The following HORMAD2 variants were observed in gnomAD, a reference collection of about 807,000 sequenced individuals.
HORMAD2 encodes the protein HORMA domain containing 2.
HORMAD2 carries 45 observed loss-of-function variants against 38.8 expected under a neutral mutation model. The observed-to-expected ratio is 1.16, with a 90% CI of 0.91 to 1.49. The LOEUF (loss-of-function observed/expected upper bound fraction) is 1.49. Among genes scored for constraint, HORMAD2 ranks in the 40% most tolerant of loss-of-function variants. HORMAD2 has a pLI of 0.00. For synonymous variants in HORMAD2, 126 were observed against 122.8 expected (o/e 1.03, Z -0.17); for missense variants, 338 against 367.0 (o/e 0.92, Z 0.65).
chr22:30,190,593 G>T, the HORMAD2 span, among the ~76,000 whole-genome samples: 1 of 152,190 alleles, frequency 6.6e-6, no homozygotes, highest in Non-Finnish European at 1.5e-5. Flanking sequence ...TTCTCATGGA[G>T]GCTCACCCAA....
At chr22:30,178,141 T>C (rs1601604814), downstream of HORMAD2, among the ~76,000 whole-genome samples, 1 of 96,730 alleles carries the variant, frequency 1.0e-5, no homozygotes, top group African/African-American at 2.9e-5. Context: ...ACTGAGTAAT[T>C]AGTTAATCTG....
chr22:30,169,708 T>C (rs1925995186), intron 10 of HORMAD2, among the ~76,000 whole-genome samples: 1 of 152,228 alleles, frequency 6.6e-6, no homozygotes, highest in African/African-American at 2.4e-5. Context: ...TCACATCTAA[T>C]TCGGAATCTT....
the HORMAD2 span, among the ~76,000 whole-genome samples, chr22:30,194,067 C>T: frequency 1.3e-5 from 2 of 152,196 alleles, no homozygotes; most frequent in South Asian, 2.1e-4. Context: ...CTCATCATCA[C>T]TCAACTCTCA....
the HORMAD2 span, among the ~76,000 whole-genome samples, chr22:30,203,341 G>A: frequency 6.8e-6 from 1 of 146,076 alleles, no homozygotes; most frequent in Non-Finnish European, 1.5e-5. Flanking sequence ...GTTGCAGTGA[G>A]CCAAGATTGT....
intron 10 of HORMAD2, among the ~76,000 whole-genome samples, chr22:30,157,640 G>C (rs1925164388): frequency 6.6e-6 from 1 of 152,124 alleles, no homozygotes; most frequent in Non-Finnish European, 1.5e-5. Context: ...TCTAGCTTCT[G>C]TGATCCTCTT....
At chr22:30,146,388 G>C (rs1308626339) in intron 10 of HORMAD2, among the ~76,000 whole-genome samples, 1 of 152,128 alleles carries the variant, frequency 6.6e-6, no homozygotes, top group Non-Finnish European at 1.5e-5. Context: ...CCAGCTGCTT[G>C]GGAGGCTGAG....
chr22:30,198,829 G>A, the HORMAD2 span, among the ~76,000 whole-genome samples: 1 of 152,152 alleles, frequency 6.6e-6, no homozygotes, highest in African/African-American at 2.4e-5. Flanking sequence ...AAAAATGATT[G>A]TATTTATAAA....
chr22:30,098,131 G>A (rs1053311225), intron 2 of HORMAD2, among the ~76,000 whole-genome samples: 1 of 152,122 alleles, frequency 6.6e-6, no homozygotes, highest in African/African-American at 2.4e-5. Context: ...TGGTTTAGGT[G>A]CAGATGTTCA....
At chr22:30,117,663 C>T (rs963740352) in intron 7 of HORMAD2, among the ~76,000 whole-genome samples, 1 of 152,070 alleles carries the variant, frequency 6.6e-6, no homozygotes, top group Non-Finnish European at 1.5e-5. Flanking sequence ...CGCACACCAC[C>T]ACGCCCGGCT....
At chr22:30,127,398 G>A (rs181241816) in intron 10 of HORMAD2, among the ~76,000 whole-genome samples, 387 of 151,902 alleles carry the variant, frequency 2.5e-3, no homozygotes, top group African/African-American at 8.7e-3. Flanking sequence ...TAGTAGAGAT[G>A]GGGTTTCATA....
chr22:30,166,742 T>C (rs1925808090), intron 10 of HORMAD2, among the ~76,000 whole-genome samples: 1 of 152,192 alleles, frequency 6.6e-6, no homozygotes, highest in Non-Finnish European at 1.5e-5. Flanking sequence ...TACAAAAATG[T>C]AGTGTGGATA....
At chr22:30,132,083 C>T (rs1437129566) in intron 10 of HORMAD2, among the ~76,000 whole-genome samples, 1 of 152,196 alleles carries the variant, frequency 6.6e-6, no homozygotes, top group Non-Finnish European at 1.5e-5. Flanking sequence ...AACCTATTGT[C>T]TCCCACTAAA....
intron 5 of HORMAD2, among the ~76,000 whole-genome samples, chr22:30,107,899 C>T (rs1481609968): frequency 2.0e-5 from 3 of 147,300 alleles, no homozygotes; most frequent in East Asian, 2.0e-4. Context: ...GACGGAGTCT[C>T]GCTCTATTGC....
At chr22:30,141,902 C>T (rs1221975881) in intron 10 of HORMAD2, among the ~76,000 whole-genome samples, 2 of 152,118 alleles carry the variant, frequency 1.3e-5, no homozygotes, top group Non-Finnish European at 2.9e-5. Flanking sequence ...GCCGAACATA[C>T]TTTTTATTAT....
chr22:30,175,691 G>A (rs750990918), intron 10 of HORMAD2, among the ~76,000 whole-genome samples: 6 of 151,972 alleles, frequency 3.9e-5, no homozygotes, highest in Non-Finnish European at 5.9e-5. Flanking sequence ...CCTGAAATTG[G>A]GACTTAAATT....
intron 3 of HORMAD2, among the ~76,000 whole-genome samples, chr22:30,099,866 G>A (rs1601514758): frequency 6.6e-6 from 1 of 152,140 alleles, no homozygotes; most frequent in African/African-American, 2.4e-5. Context: ...CAGCCTGGGT[G>A]ACAAGAGCAA....
At chr22:30,102,792 AT>A (rs1025503273) in intron 3 of HORMAD2, among the ~76,000 whole-genome samples, 76 of 152,010 alleles carry the variant, frequency 5.0e-4, no homozygotes, top group African/African-American at 1.8e-3. Context: ...TGCCCAGATA[AT>A]TTTTTTAATT....
rs1298819472 is a variant in HORMAD2 at position 30,098,912 on chromosome 22, CT to C, written c.117del (p.Phe39LeufsTer8). ...EHESLKMVKKLFATSISCITY... is the reference protein window; with the variant it reads ...EHESLKMVKKXFATSISCITY... ...TGAGTCATTGAAAATGGTGAAGAAA[CT>C]TTTTGCTACTTCCATCTCATGTATA... On this transcript the variant is annotated frameshift_variant, in exon 3 of 11. Coordinates refer to ENST00000336726, the MANE Select transcript of HORMAD2 (RefSeq NM_152510.4). LOFTEE classifies it high-confidence loss of function. 1 of 1,613,452 alleles carries C rather than the reference CT, an allele frequency of 6.2e-7. No individual in the cohort carries two copies. The highest frequency in any genetic ancestry group is 2.2e-5 in the East Asian group (1 of 44,850).
chr22:30,116,067 A>G (rs1044020000), intron 7 of HORMAD2, among the ~76,000 whole-genome samples: 2 of 152,164 alleles, frequency 1.3e-5, no homozygotes, highest in African/African-American at 4.8e-5. Flanking sequence ...TGAACTTGTG[A>G]AATATTTAGG....
Sources: allele counts gnomAD v4.1 joint callset (sites outside exome capture counted in the v4.1 genomes callset), GRCh38; gene constraint gnomAD v4.1.1; transcripts MANE v1.5; gene names NCBI Gene and HGNC (gene_info 2026-07-23, HGNC 2026-07-21).